The following KCNN2 variants were observed in gnomAD, a reference collection of about 807,000 sequenced individuals.
KCNN2 encodes small conductance calcium-activated potassium channel protein 2.
Under a neutral mutation model 55.5 loss-of-function variants are expected in KCNN2, and 24 were observed. That is an observed-to-expected ratio of 0.43 (90% CI 0.31 to 0.61). The LOEUF is 0.61. KCNN2 is among the 20% of genes least tolerant of loss of function. The pLI, the probability that KCNN2 is intolerant of heterozygous loss-of-function variation, is 0.08. For missense variants in KCNN2, 754 were observed against 853.6 expected, an observed-to-expected ratio of 0.88 and a Z score of 1.45; for synonymous variants, 431 against 336.1, an observed-to-expected ratio of 1.28 and a Z score of -3.09.
At chr5:114,347,976 T>A (rs984094700) in intron 2 of KCNN2, among the ~76,000 whole-genome samples, 2 of 152,126 alleles carry the variant, frequency 1.3e-5, no homozygotes, top group Admixed American at 1.3e-4. Context: ...AGCCACCTGT[T>A]AATATCAAGT....
intron 3 of KCNN2, among the ~76,000 whole-genome samples, chr5:114,441,296 G>A (rs1302216760): frequency 2.0e-5 from 3 of 152,264 alleles, no homozygotes; most frequent in African/African-American, 4.8e-5. Flanking sequence ...AAAGATTATA[G>A]ATGATTTGAA....
At chr5:114,253,998 A>G (rs1754932254) in intron 2 of KCNN2, among the ~76,000 whole-genome samples, 1 of 152,206 alleles carries the variant, frequency 6.6e-6, no homozygotes, top group South Asian at 2.1e-4. Flanking sequence ...CATGATCATT[A>G]AAGGAGGGCT....
chr5:114,308,976 C>A (rs1164027030), intron 2 of KCNN2, among the ~76,000 whole-genome samples: 2 of 152,104 alleles, frequency 1.3e-5, no homozygotes, highest in Non-Finnish European at 2.9e-5. Context: ...TATTGTACAG[C>A]TTTATTTACT....
intron 2 of KCNN2, among the ~76,000 whole-genome samples, chr5:114,248,009 A>G (rs536774060): frequency 2.4e-4 from 37 of 152,292 alleles, no homozygotes; most frequent in African/African-American, 8.4e-4. Context: ...CTGACTTAGA[A>G]CAGAACTCTA....
chr5:114,235,477 A>G (rs1754470306), intron 2 of KCNN2, among the ~76,000 whole-genome samples: 1 of 152,218 alleles, frequency 6.6e-6, no homozygotes, highest in Non-Finnish European at 1.5e-5. Context: ...TATTCTATAA[A>G]TGAACACTGA....
chr5:114,103,382 T>A (rs1416334879), intron 1 of KCNN2, among the ~76,000 whole-genome samples: 2 of 152,212 alleles, frequency 1.3e-5, no homozygotes, highest in African/African-American at 4.8e-5. Flanking sequence ...CAGAGATAAT[T>A]TGACTTCTTG....
intron 1 of KCNN2, among the ~76,000 whole-genome samples, chr5:114,059,479 A>G (rs981054410): frequency 4.6e-5 from 7 of 152,172 alleles, no homozygotes; most frequent in African/African-American, 1.4e-4. Flanking sequence ...TCAGATTGTG[A>G]ATTCCTTTGG....
chr5:114,272,404 TGTACATATCTACACACATATGTAC>T (rs758316296), intron 2 of KCNN2, among the ~76,000 whole-genome samples: 106,979 of 130,096 alleles, frequency 0.82, 50,174 homozygotes, highest in East Asian at 0.94. Context: ...CATATATGTA[TGTACATATCTACACACATATGTAC>T]GTACATATCA....
chr5:114,476,582 C>G (rs2150127555), intron 5 of KCNN2, among the ~76,000 whole-genome samples: 1 of 152,144 alleles, frequency 6.6e-6, no homozygotes, highest in African/African-American at 2.4e-5. Flanking sequence ...CCATGCCCAG[C>G]TAATTTTTTG....
intron 3 of KCNN2, among the ~76,000 whole-genome samples, chr5:114,412,209 T>C (rs1188267421): frequency 6.6e-6 from 1 of 152,200 alleles, no homozygotes; most frequent in Non-Finnish European, 1.5e-5. Context: ...ATATGGGCAT[T>C]GAATATAATC....
At chr5:114,080,986 G>A (rs1389733825) in intron 1 of KCNN2, among the ~76,000 whole-genome samples, 3 of 152,022 alleles carry the variant, frequency 2.0e-5, no homozygotes, top group Non-Finnish European at 2.9e-5. Context: ...CAGCAAAGTA[G>A]CAGGATACAA....
intron 1 of KCNN2, among the ~76,000 whole-genome samples, chr5:114,149,473 G>T (rs1752471140): frequency 6.6e-6 from 1 of 152,164 alleles, no homozygotes; most frequent in Non-Finnish European, 1.5e-5. Flanking sequence ...GTCCAGGGGG[G>T]TCACTGCCTT....
intron 2 of KCNN2, among the ~76,000 whole-genome samples, chr5:114,241,774 ACATATATACG>A (rs1473471581): frequency 0.026 from 382 of 14,546 alleles, 92 homozygotes; most frequent in African/African-American, 0.055. Flanking sequence ...GTATATATAT[ACATATATACG>A]TATATATATG....
At chr5:114,383,511 C>G (rs977371634) in intron 2 of KCNN2, among the ~76,000 whole-genome samples, 3 of 147,226 alleles carry the variant, frequency 2.0e-5, no homozygotes, top group African/African-American at 7.7e-5. Flanking sequence ...CTTTGTCACC[C>G]AGGCTGGAGT....
chr5:114,249,744 CAAAA>C (rs70976329), intron 2 of KCNN2, among the ~76,000 whole-genome samples: 85,533 of 141,812 alleles, frequency 0.6, 25,463 homozygotes, highest in East Asian at 0.84. Context: ...ACCCTAGCTT[CAAAA>C]AAAAAAAAAA....
chr5:114,060,334 T>A (rs539295700), intron 1 of KCNN2, among the ~76,000 whole-genome samples: 3 of 152,376 alleles, frequency 2.0e-5, no homozygotes, highest in African/African-American at 7.2e-5. Context: ...GCAGTTCACA[T>A]CTCTTTACTT....
At chr5:114,222,526 C>G (rs1754162170) in intron 2 of KCNN2, among the ~76,000 whole-genome samples, 1 of 152,156 alleles carries the variant, frequency 6.6e-6, no homozygotes, top group East Asian at 1.9e-4. Context: ...TCAAGAATGG[C>G]AAACTGCATT....
chr5:114,140,270 G>A (rs996383199), intron 1 of KCNN2, among the ~76,000 whole-genome samples: 9 of 152,074 alleles, frequency 5.9e-5, no homozygotes, highest in African/African-American at 1.4e-4. Context: ...CATATAGTAC[G>A]AGGTTTATTA....
intron 2 of KCNN2, among the ~76,000 whole-genome samples, chr5:114,305,599 T>A (rs1213110688): frequency 6.6e-6 from 1 of 152,196 alleles, no homozygotes; most frequent in Non-Finnish European, 1.5e-5. Context: ...CGGCTAGGGC[T>A]GAGGCTGCAA....
Sources: allele counts gnomAD v4.1 joint callset (sites outside exome capture counted in the v4.1 genomes callset), GRCh38; gene constraint gnomAD v4.1.1; transcripts MANE v1.5; gene names NCBI Gene and HGNC (gene_info 2026-07-23, HGNC 2026-07-21).